The following SUCLG2 variants were observed in gnomAD, a reference collection of about 807,000 sequenced individuals.
The protein encoded by SUCLG2 is succinate--CoA ligase [GDP-forming] subunit beta, mitochondrial.
In SUCLG2, 42 loss-of-function variants were observed where a neutral mutation model predicts 47.9. The observed-to-expected ratio is 0.88, with a 90% CI of 0.69 to 1.14. The LOEUF (loss-of-function observed/expected upper bound fraction) is 1.14. Ranked by LOEUF, SUCLG2 falls within the 50% of genes most tolerant of loss-of-function variation. The pLI, the probability that SUCLG2 is intolerant of heterozygous loss-of-function variation, is 0.00. For synonymous variants in SUCLG2, 195 were observed against 197.3 expected, an observed-to-expected ratio of 0.99 and a Z score of 0.10; for missense variants, 571 against 525.9, an observed-to-expected ratio of 1.09 and a Z score of -0.84.
chr3:67,432,675 G>A (rs1703517050), intron 9 of SUCLG2, among the ~76,000 whole-genome samples: 1 of 152,046 alleles, frequency 6.6e-6, no homozygotes, highest in African/African-American at 2.4e-5. Flanking sequence ...TGGTGACCCC[G>A]ATCTGCTAGG....
intron 1 of SUCLG2, among the ~76,000 whole-genome samples, chr3:67,619,509 A>T (rs1443886089): frequency 2.6e-5 from 4 of 152,174 alleles, no homozygotes; most frequent in Admixed American, 2.6e-4. Flanking sequence ...AAGAAGCAGG[A>T]GGCTCTGGTT....
intron 2 of SUCLG2, among the ~76,000 whole-genome samples, chr3:67,587,971 A>G (rs1469855674): frequency 1.3e-5 from 2 of 152,208 alleles, no homozygotes. Flanking sequence ...AAAATTAATA[A>G]ATTACCTGTC....
At chr3:67,378,608 G>A (rs1299191730) in intron 10 of SUCLG2, among the ~76,000 whole-genome samples, 1 of 152,176 alleles carries the variant, frequency 6.6e-6, no homozygotes, top group Admixed American at 6.5e-5. Context: ...GCAGCCTTGT[G>A]AGAGACCCTG....
intron 10 of SUCLG2, 143 bp downstream of exon 10, chr3:67,400,588 A>C: frequency 8.9e-7 from 1 of 1,123,566 alleles, no homozygotes; most frequent in South Asian, 1.8e-5. Flanking sequence ...GGCCCAGGGA[A>C]GTCCTGCCGT....
intron 2 of SUCLG2, among the ~76,000 whole-genome samples, chr3:67,531,510 T>A (rs1026287547): frequency 7.7e-6 from 1 of 129,476 alleles, no homozygotes; most frequent in Non-Finnish European, 1.6e-5. Context: ...CAATGAAGTG[T>A]TGTCAATTAA....
chr3:67,650,468 G>A (rs1466679334), intron 1 of SUCLG2, among the ~76,000 whole-genome samples: 1 of 152,122 alleles, frequency 6.6e-6, no homozygotes, highest in Non-Finnish European at 1.5e-5. Flanking sequence ...TCTAAAATAG[G>A]AGGCCTGGCC....
At chr3:67,414,649 GA>G (rs1342904469) in intron 9 of SUCLG2, among the ~76,000 whole-genome samples, 1 of 151,232 alleles carries the variant, frequency 6.6e-6, no homozygotes, top group Admixed American at 6.6e-5. Context: ...CAAAATTCTG[GA>G]TTTTTAAAAA....
At chr3:67,609,857 A>G (rs1029092325) in intron 1 of SUCLG2, among the ~76,000 whole-genome samples, 2 of 152,248 alleles carry the variant, frequency 1.3e-5, no homozygotes, top group Non-Finnish European at 2.9e-5. Context: ...GATCTAGTTA[A>G]CAGTAATACA....
intron 1 of SUCLG2, among the ~76,000 whole-genome samples, chr3:67,618,601 A>G (rs900157665): frequency 2.0e-5 from 3 of 152,164 alleles, no homozygotes; most frequent in Non-Finnish European, 4.4e-5. Flanking sequence ...CCTAAAAAAA[A>G]CCCATGAGCT....
At position 67,582,364 on chromosome 3, in the gene SUCLG2, G is replaced by A. The variant is rs902449076; in HGVS notation, c.226+27091C>T. ...TCCCACTTATAAGTGAGAACATGCA[G>A]TATTTGGTTTTCTGTTCCTTAGGAT... On this transcript the variant is annotated intron_variant, in intron 2 of 10. Transcript: ENST00000307227. Among the ~76,000 whole-genome samples the A allele has an allele frequency of 2.6e-5, 4 of 152,178 alleles. No individual in the cohort carries two copies. In the East Asian group the frequency reaches 5.8e-4, roughly 22 times the overall value.
At chr3:67,627,211 T>A (rs1448948883) in intron 1 of SUCLG2, among the ~76,000 whole-genome samples, 1 of 151,982 alleles carries the variant, frequency 6.6e-6, no homozygotes, top group African/African-American at 2.4e-5. Flanking sequence ...AAAAAAAATC[T>A]ACTTAACTAT....
chr3:67,475,031 G>T (rs1380956125), intron 9 of SUCLG2, among the ~76,000 whole-genome samples: 1 of 150,780 alleles, frequency 6.6e-6, no homozygotes, highest in African/African-American at 2.4e-5. Flanking sequence ...GAAAAATCAT[G>T]CTTCCCAGAA....
chr3:67,371,178 T>G (rs1231954909), downstream of SUCLG2, among the ~76,000 whole-genome samples: 3 of 152,186 alleles, frequency 2.0e-5, no homozygotes, highest in Non-Finnish European at 2.9e-5. Context: ...AACATGCCTG[T>G]ATGTTGCTGC....
chr3:67,414,409 G>A (rs1702992244), intron 9 of SUCLG2, among the ~76,000 whole-genome samples: 1 of 152,150 alleles, frequency 6.6e-6, no homozygotes, highest in Non-Finnish European at 1.5e-5. Context: ...AGATTATATT[G>A]ACTAACTGAC....
Position 67,426,590 on chromosome 3 carries a change from T to A in SUCLG2, c.1063-25739A>T, listed in dbSNP as rs568848033. 2.0e-5 allele frequency among the ~76,000 whole-genome samples: 3 copies of A among 152,316 alleles called. No homozygotes were observed. In the South Asian group the frequency reaches 6.2e-4, roughly 32 times the overall value. ...CTCCAGTATTGAAATGTCTCATTTATAAATACTTGATTCCTTAATAGCATG... is the reference window on the plus strand; with the variant it reads ...CTCCAGTATTGAAATGTCTCATTTAAAAATACTTGATTCCTTAATAGCATG... On this transcript the variant is annotated intron_variant, in intron 9 of 10. Coordinates refer to ENST00000307227, the MANE Select transcript of SUCLG2 (RefSeq NM_003848.4).
intron 4 of SUCLG2, among the ~76,000 whole-genome samples, chr3:67,525,869 T>C (rs146965699): frequency 1.3e-5 from 2 of 152,298 alleles, no homozygotes; most frequent in African/African-American, 4.8e-5. Flanking sequence ...TAACAGATAA[T>C]ACTTACAAAG....
chr3:67,635,951 T>C (rs1222919873), intron 1 of SUCLG2, among the ~76,000 whole-genome samples: 1 of 152,202 alleles, frequency 6.6e-6, no homozygotes, highest in Non-Finnish European at 1.5e-5. Flanking sequence ...TTACTAGCTA[T>C]GCAAAGCCCA....
At chr3:67,622,355 C>T (rs1430329912) in intron 1 of SUCLG2, among the ~76,000 whole-genome samples, 1 of 152,062 alleles carries the variant, frequency 6.6e-6, no homozygotes, top group Non-Finnish European at 1.5e-5. Context: ...TATATCAAAA[C>T]CATTTGGAAG....
intron 2 of SUCLG2, among the ~76,000 whole-genome samples, chr3:67,573,756 T>G (rs1707675914): frequency 6.6e-6 from 1 of 152,164 alleles, no homozygotes; most frequent in Non-Finnish European, 1.5e-5. Flanking sequence ...GGACTTGGCC[T>G]GGTGAGAATC....
Sources: allele counts gnomAD v4.1 joint callset (sites outside exome capture counted in the v4.1 genomes callset), GRCh38; gene constraint gnomAD v4.1.1; transcripts MANE v1.5; gene names NCBI Gene and HGNC (gene_info 2026-07-23, HGNC 2026-07-21).